Variants in LZTFL1 observed in about 807,000 individuals in gnomAD.
The protein encoded by LZTFL1 is leucine zipper transcription factor like 1.
A neutral mutation model predicts 45.9 loss-of-function variants in LZTFL1; 25 were observed. That is an observed-to-expected ratio of 0.54 (90% confidence interval 0.40 to 0.76). The LOEUF (loss-of-function observed/expected upper bound fraction) is 0.76, where lower values mean the gene tolerates loss of function less well. LZTFL1 is among the 30% of genes least tolerant of loss of function. The pLI, the probability that LZTFL1 is intolerant of heterozygous loss-of-function variation, is 0.00. For missense variants in LZTFL1, 277 were observed against 331.1 expected, an observed-to-expected ratio of 0.84 and a Z score of 1.27; for synonymous variants, 93 against 117.4, an observed-to-expected ratio of 0.79 and a Z score of 1.35.
At chr3:45,876,082 G>T (rs1343932141) in intron 2 of LZTFL1, among the ~76,000 whole-genome samples, 1 of 152,224 alleles carries the variant, frequency 6.6e-6, no homozygotes, top group East Asian at 1.9e-4. Context: ...ATAAGATAAA[G>T]TTCGTAAAGC....
intron 2 of LZTFL1, among the ~76,000 whole-genome samples, chr3:45,909,690 G>A (rs1224115175): frequency 2.0e-5 from 3 of 152,344 alleles, no homozygotes; most frequent in South Asian, 2.1e-4. Context: ...CAAAGGAACC[G>A]AAGGAGGGAC....
chr3:45,850,767 C>T lies in LZTFL1; in HGVS notation c.-49+4219G>A, dbSNP rs147753373. 7.6e-3 allele frequency among the ~76,000 whole-genome samples: 1,164 copies of T among 152,238 alleles called. 23 individuals carry two copies. Among genetic ancestry groups the T allele is most frequent in the African/African-American group, 0.026 (1,095 of 41,524 alleles). On this transcript the variant is annotated intron_variant, in intron 4 of 4. Coordinates refer to the LZTFL1 transcript ENST00000472635. ...ACCTATGGGTGGCTGGTAGTCTGTG[C>T]GTCCTTCACAGTCACCTCCTGACCC... is the stretch of plus-strand genomic sequence containing the variant.
intron 7 of LZTFL1, among the ~76,000 whole-genome samples, chr3:45,828,835 C>T (rs1700739062): frequency 6.6e-6 from 1 of 152,176 alleles, no homozygotes; most frequent in East Asian, 1.9e-4. Flanking sequence ...ACACAGCCGA[C>T]ACTCAGTAGC....
chr3:45,836,331 T>G (rs1399403163), intron 2 of LZTFL1, among the ~76,000 whole-genome samples: 1 of 151,996 alleles, frequency 6.6e-6, no homozygotes, highest in Non-Finnish European at 1.5e-5. Flanking sequence ...TCCACAAAAA[T>G]GAATATCATC....
intron 2 of LZTFL1, among the ~76,000 whole-genome samples, chr3:45,876,758 C>T (rs929237732): frequency 1.3e-5 from 2 of 152,170 alleles, no homozygotes; most frequent in African/African-American, 4.8e-5. Context: ...TGGCTTAGTT[C>T]ACCTGTGTCC....
intron 7 of LZTFL1, 33 bp downstream of exon 7, chr3:45,830,880 A>C (rs1257272658): frequency 6.3e-7 from 1 of 1,582,158 alleles, no homozygotes; most frequent in South Asian, 1.1e-5. Context: ...TCTACTTAGA[A>C]AATGTGAGAA....
At chr3:45,889,930 C>T (rs969803833) in intron 2 of LZTFL1, among the ~76,000 whole-genome samples, 1 of 151,118 alleles carries the variant, frequency 6.6e-6, no homozygotes, top group African/African-American at 2.4e-5. Flanking sequence ...GTGAGAATAC[C>T]AGTAGGGCAA....
intron 4 of LZTFL1, chr3:45,854,940 C>T: frequency 2.2e-6 from 3 of 1,370,526 alleles, no homozygotes; most frequent in African/African-American, 1.4e-5. Context: ...GGAACAACCA[C>T]CACCAAAACA....
chr3:45,874,997 T>G (rs1701727763), intron 2 of LZTFL1, among the ~76,000 whole-genome samples: 1 of 152,238 alleles, frequency 6.6e-6, no homozygotes. Flanking sequence ...CAGCTAAGGT[T>G]AGTTGAAGAA....
intron 2 of LZTFL1, among the ~76,000 whole-genome samples, chr3:45,859,175 A>G (rs966292267): frequency 6.6e-6 from 1 of 152,234 alleles, no homozygotes; most frequent in African/African-American, 2.4e-5. Context: ...AAAATTTGCT[A>G]TGCAGAGATA....
At chr3:45,842,280 G>C, upstream of LZTFL1, 1 of 887,224 alleles carries the variant, frequency 1.1e-6, no homozygotes, top group Non-Finnish European at 1.6e-6. Context: ...ACTTTTGGGA[G>C]CTGACTGCAG....
At chr3:45,883,605 T>G in intron 2 of LZTFL1, 1 of 352,164 alleles carries the variant, frequency 2.8e-6, no homozygotes. Flanking sequence ...GAGGCATGCA[T>G]TAATTCTTCA....
At chr3:45,827,914 G>T (rs1700710961) in intron 8 of LZTFL1, among the ~76,000 whole-genome samples, 1 of 151,688 alleles carries the variant, frequency 6.6e-6, no homozygotes, top group African/African-American at 2.4e-5. Context: ...TGTTGGCCAG[G>T]CTGGTCTTGA....
chr3:45,855,927 C>G (rs1473004202), intron 3 of LZTFL1, among the ~76,000 whole-genome samples: 1 of 152,158 alleles, frequency 6.6e-6, no homozygotes, highest in African/African-American at 2.4e-5. Context: ...AAAAATATTC[C>G]ATGCTTATGG....
chr3:45,885,201 C>T (rs2125732050), intron 2 of LZTFL1, among the ~76,000 whole-genome samples: 3 of 152,242 alleles, frequency 2.0e-5, no homozygotes, highest in Middle Eastern at 6.8e-3. Flanking sequence ...GGCATTGAGT[C>T]CTCGGGACAA....
intron 4 of LZTFL1, among the ~76,000 whole-genome samples, chr3:45,851,746 G>T (rs1701313074): frequency 1.3e-5 from 2 of 151,884 alleles, no homozygotes; most frequent in South Asian, 4.2e-4. Flanking sequence ...ACTTTGGGAG[G>T]CTGACGCGGG....
chr3:45,860,550 A>C (rs1284623234), intron 2 of LZTFL1, among the ~76,000 whole-genome samples: 1 of 151,972 alleles, frequency 6.6e-6, no homozygotes, highest in East Asian at 1.9e-4. Context: ...TAAGATTGTG[A>C]GGTTCCCTTT....
At chr3:45,835,508 A>G in intron 3 of LZTFL1, 82 bp downstream of exon 3, 1 of 1,371,366 alleles carries the variant, frequency 7.3e-7, no homozygotes. Flanking sequence ...CCCCAAGAAA[A>G]TATGCAGCCA....
upstream of LZTFL1, among the ~76,000 whole-genome samples, chr3:45,846,699 TAA>T (rs1701222016): frequency 6.6e-6 from 1 of 151,752 alleles, no homozygotes; most frequent in Admixed American, 6.6e-5. Flanking sequence ...GTGGATAATA[TAA>T]AAGTCTTCAT....
Sources: gnomAD v4.1 joint callset for allele counts (sites outside exome capture counted in the v4.1 genomes callset) on GRCh38, gnomAD v4.1.1 for gene constraint, MANE v1.5 for transcripts, NCBI Gene and HGNC (gene_info 2026-07-23, HGNC 2026-07-21) for gene names.